The following LHFPL1 variants were observed in gnomAD, a reference collection of about 807,000 sequenced individuals.
LHFPL1 encodes the protein LHFPL tetraspan subfamily member 1.
In LHFPL1, 4 loss-of-function variants were observed where a neutral mutation model predicts 12.1. The observed-to-expected ratio is 0.33, with a 90% CI of 0.16 to 0.76. LHFPL1 has a LOEUF of 0.76. LHFPL1 is among the 30% of genes least tolerant of loss of function. The pLI is 0.61. For synonymous variants in LHFPL1, 52 were observed against 61.9 expected (o/e 0.84, Z 0.75); for missense variants, 141 against 174.1 (o/e 0.81, Z 1.07).
chrX:112,636,184 T>C (rs767448038), intron 3 of LHFPL1, among the ~76,000 whole-genome samples: 19 of 110,635 alleles, frequency 1.7e-4, no homozygotes, highest in Non-Finnish European at 3.0e-4. Flanking sequence ...TGTCCCCCGG[T>C]ATGAGGGGAG....
intron 1 of LHFPL1, among the ~76,000 whole-genome samples, chrX:112,678,942 T>C (rs779470052): frequency 2.2e-4 from 25 of 112,048 alleles, no homozygotes; most frequent in Middle Eastern, 4.7e-3. Flanking sequence ...CTCTGAGTTT[T>C]GGTTTCATTT....
intron 3 of LHFPL1, among the ~76,000 whole-genome samples, chrX:112,654,714 T>C (rs1930949794): frequency 9.0e-6 from 1 of 111,239 alleles, no homozygotes; most frequent in African/African-American, 3.3e-5. Context: ...TTTATATATG[T>C]ATTGTTTTAT....
intron 2 of LHFPL1, 152 bp from the exon 3 acceptor site, chrX:112,660,877 C>T: frequency 2.3e-6 from 1 of 433,116 alleles, no homozygotes; most frequent in South Asian, 4.7e-5. Flanking sequence ...ACCAACTCAA[C>T]AGGATTTTAT....
rs146276293 is a variant in LHFPL1, at chrX:112,643,593, A to G, written c.482-11992T>C. On this transcript the variant is annotated intron_variant, in intron 3 of 3. Transcript: ENST00000371968. ...TTATCATGAGAACAGCATGGGGGAA[A>G]CTTTCGCCATGATTCAGTTATCTCC... 1.9e-3 allele frequency among the ~76,000 whole-genome samples: 212 copies of G among 110,013 alleles called. 1 individual carries two copies. The highest frequency in any genetic ancestry group is 6.9e-3 in the African/African-American group (207 of 30,194).
chrX:112,678,772 G>T (rs751358250), intron 1 of LHFPL1, among the ~76,000 whole-genome samples: 2 of 111,857 alleles, frequency 1.8e-5, no homozygotes, highest in South Asian at 7.5e-4. Context: ...GAATTTATGG[G>T]AATTCATATT....
intron 3 of LHFPL1, among the ~76,000 whole-genome samples, chrX:112,657,265 C>T (rs767379102): frequency 3.6e-5 from 4 of 111,917 alleles, no homozygotes; most frequent in Non-Finnish European, 5.6e-5. Flanking sequence ...CTGAAAATGA[C>T]AAAACATCAT....
At chrX:112,647,548 T>C (rs1383986330) in intron 3 of LHFPL1, among the ~76,000 whole-genome samples, 3 of 112,299 alleles carry the variant, frequency 2.7e-5, no homozygotes, top group Non-Finnish European at 5.6e-5. Flanking sequence ...AGGACATTTA[T>C]GCGGCAAACA....
intron 3 of LHFPL1, among the ~76,000 whole-genome samples, chrX:112,657,069 A>G (rs1281067975): frequency 3.5e-5 from 4 of 112,797 alleles, no homozygotes; most frequent in African/African-American, 1.3e-4. Context: ...GCAAAGTTGA[A>G]AAATCATAAG....
chrX:112,637,714 G>A (rs191652818), intron 3 of LHFPL1, among the ~76,000 whole-genome samples: 2 of 112,370 alleles, frequency 1.8e-5, no homozygotes, highest in Non-Finnish European at 3.8e-5. Context: ...GAAATTCCAG[G>A]CTCCTGAAAG....
chrX:112,670,168 T>C (rs745439222), intron 2 of LHFPL1, among the ~76,000 whole-genome samples: 2 of 112,700 alleles, frequency 1.8e-5, no homozygotes, highest in Non-Finnish European at 1.9e-5. Flanking sequence ...ACTTCAGCAG[T>C]AGATTCTACC....
intron 3 of LHFPL1, among the ~76,000 whole-genome samples, chrX:112,643,724 G>A (rs1930600223): frequency 9.0e-6 from 1 of 111,565 alleles, no homozygotes; most frequent in African/African-American, 3.3e-5. Flanking sequence ...CCTCACTTTA[G>A]TCGTGGGGAA....
chrX:112,667,212 T>C (rs909512755), intron 2 of LHFPL1, among the ~76,000 whole-genome samples: 4 of 112,105 alleles, frequency 3.6e-5, no homozygotes, highest in Non-Finnish European at 5.6e-5. Context: ...GTTTGAAGCA[T>C]GTAATATTAG....
intron 2 of LHFPL1, among the ~76,000 whole-genome samples, chrX:112,661,922 G>C (rs188563032): frequency 1.1e-4 from 12 of 112,177 alleles, no homozygotes; most frequent in Non-Finnish European, 7.5e-5. Flanking sequence ...ATCAATTCTG[G>C]ATAAGCTGAG....
At chrX:112,643,136 T>G (rs963452277) in intron 3 of LHFPL1, among the ~76,000 whole-genome samples, 3 of 105,067 alleles carry the variant, frequency 2.9e-5, no homozygotes, top group African/African-American at 1.0e-4. Flanking sequence ...ATCCCAGCAC[T>G]TTGGGAGGCT....
chrX:112,659,946 T>G (rs939852000), intron 3 of LHFPL1, among the ~76,000 whole-genome samples: 6 of 112,489 alleles, frequency 5.3e-5, no homozygotes, highest in Non-Finnish European at 1.1e-4. Flanking sequence ...ATGGCCTTGT[T>G]GTTCCCAAAT....
intron 3 of LHFPL1, among the ~76,000 whole-genome samples, chrX:112,641,446 T>A (rs60350045): frequency 0.04 from 4,461 of 111,515 alleles, 143 homozygotes; most frequent in East Asian, 0.13. Flanking sequence ...GTCAGTGTGG[T>A]ACAGGGAGAA....
At position 112,634,487 on chromosome X, in the gene LHFPL1, T is replaced by A. The variant is rs184107098; in HGVS notation, c.482-2886A>T. Reference sequence around the variant, plus strand: ...TCTAGTCTAGACAAGGCATCAGAACTCTCATTCTGTTTCTTCAGCTGCTTG... The same window carrying A: ...TCTAGTCTAGACAAGGCATCAGAACACTCATTCTGTTTCTTCAGCTGCTTG... On this transcript the variant is annotated intron_variant, in intron 3 of 3. Coordinates refer to ENST00000371968, the MANE Select transcript of LHFPL1 (RefSeq NM_178175.4). 1.5e-3 allele frequency among the ~76,000 whole-genome samples: 170 copies of A among 111,920 alleles called. 1 individual carries two copies. Among genetic ancestry groups the A allele is most frequent in the Admixed American group, 4.4e-3 (47 of 10,580 alleles).
chrX:112,644,108 A>G (rs1416756675), intron 3 of LHFPL1, among the ~76,000 whole-genome samples: 2 of 112,424 alleles, frequency 1.8e-5, no homozygotes, highest in Admixed American at 1.9e-4. Context: ...CACCTAAGCC[A>G]TGGATTTTCA....
At position 112,659,143 on chromosome X, in the gene LHFPL1, T is replaced by C. The variant is rs776696547; in HGVS notation, c.481+1484A>G. On this transcript the variant is annotated intron_variant, in intron 3 of 3. Transcript: ENST00000371968. ...GAAATAGTCACTGACTGCTAATGGG[T>C]AAGAGGTTTCTTTTTGGGCTGATGA... Among the ~76,000 whole-genome samples the C allele has an allele frequency of 1.2e-3, 135 of 111,664 alleles. 1 individual carries two copies. Among genetic ancestry groups the C allele is most frequent in the African/African-American group, 4.3e-3 (131 of 30,766 alleles).
Sources: allele counts gnomAD v4.1 joint callset (sites outside exome capture counted in the v4.1 genomes callset), GRCh38; gene constraint gnomAD v4.1.1; transcripts MANE v1.5; gene names NCBI Gene and HGNC (gene_info 2026-07-23, HGNC 2026-07-21).